The following SHPRH variants were observed in gnomAD, a reference collection of about 807,000 sequenced individuals.
SHPRH encodes E3 ubiquitin-protein ligase SHPRH.
A neutral mutation model predicts 202.5 loss-of-function variants in SHPRH; 106 were observed. The ratio of observed to expected loss-of-function variants is 0.52; its 90% CI spans 0.45 to 0.62. SHPRH has a LOEUF of 0.62. Among genes scored for constraint, SHPRH ranks in the 20% least tolerant of loss-of-function variants. The pLI is 0.00. For missense variants in SHPRH, 1,710 were observed against 2,020.0 expected, an observed-to-expected ratio of 0.85 and a Z score of 2.94; for synonymous variants, 729 against 686.0, an observed-to-expected ratio of 1.06 and a Z score of -0.98.
At chr6:145,923,025 G>T (rs569721232) in intron 18 of SHPRH, among the ~76,000 whole-genome samples, 189 bp from the exon 19 acceptor site, 1 of 149,776 alleles carries the variant, frequency 6.7e-6, no homozygotes, top group African/African-American at 2.5e-5. Flanking sequence ...GCTGTCTACC[G>T]TAAAAGATAC....
At chr6:145,953,130 T>C (rs1363981126) in intron 2 of SHPRH, among the ~76,000 whole-genome samples, 2 of 152,098 alleles carry the variant, frequency 1.3e-5, no homozygotes, top group Non-Finnish European at 2.9e-5. Context: ...AAGTTTCTAA[T>C]GGTAGACACT....
At chr6:145,907,958 CTTCT>C (rs1562306883) in intron 25 of SHPRH, 1 of 152,076 alleles carries the variant, frequency 6.6e-6, no homozygotes, top group East Asian at 1.9e-4. Flanking sequence ...GTGTTGTTCC[CTTCT>C]TTGTGTCCAT....
chr6:145,923,430 C>T (rs549757853), intron 18 of SHPRH, among the ~76,000 whole-genome samples: 7 of 151,688 alleles, frequency 4.6e-5, no homozygotes, highest in East Asian at 1.9e-4. Flanking sequence ...AAAGGTAGGT[C>T]GCAGTTAGGA....
intron 1 of SHPRH, among the ~76,000 whole-genome samples, chr6:145,957,406 A>G (rs1233025767): frequency 2.0e-5 from 3 of 152,188 alleles, no homozygotes; most frequent in African/African-American, 7.2e-5. Flanking sequence ...AGATACTGTC[A>G]TCAAAATATG....
At chr6:145,958,626 G>C (rs1214524682) in intron 1 of SHPRH, among the ~76,000 whole-genome samples, 2 of 152,102 alleles carry the variant, frequency 1.3e-5, no homozygotes, top group African/African-American at 4.8e-5. Context: ...CACCTCCAAG[G>C]AAGTAGTTTC....
At chr6:145,939,727 C>G (rs1786536568) in intron 11 of SHPRH, among the ~76,000 whole-genome samples, 1 of 151,978 alleles carries the variant, frequency 6.6e-6, no homozygotes, top group Non-Finnish European at 1.5e-5. Flanking sequence ...AAATATGTAT[C>G]TAAATGTAAC....
chr6:145,906,989 T>C (rs1189218155), intron 25 of SHPRH: 2 of 152,150 alleles, frequency 1.3e-5, no homozygotes, highest in Admixed American at 6.6e-5. Context: ...CCTCCCAACT[T>C]GATTCAATCT....
downstream of SHPRH, among the ~76,000 whole-genome samples, chr6:145,881,376 T>C (rs192350207): frequency 1.3e-5 from 2 of 152,294 alleles, no homozygotes; most frequent in Admixed American, 6.5e-5. Flanking sequence ...AGCAAAGGCA[T>C]GTCTTACATG....
At chr6:145,906,137 G>C (rs905245623) in intron 25 of SHPRH, 1 of 151,940 alleles carries the variant, frequency 6.6e-6, no homozygotes, top group South Asian at 2.1e-4. Flanking sequence ...TCTCATTTGT[G>C]TAACAACTTC....
At chr6:145,949,479 C>T (rs1480854336) in intron 4 of SHPRH, among the ~76,000 whole-genome samples, 1 of 152,018 alleles carries the variant, frequency 6.6e-6, no homozygotes, top group African/African-American at 2.4e-5. Context: ...AGTGAAGTAA[C>T]TCTGGAACAG....
chr6:145,950,530 A>G, intron 3 of SHPRH, 48 bp from the exon 4 acceptor site: 1 of 1,547,836 alleles, frequency 6.5e-7, no homozygotes, highest in Non-Finnish European at 8.9e-7. Context: ...GGTTTTTTCT[A>G]ACTATAAGCA....
intron 4 of SHPRH, among the ~76,000 whole-genome samples, chr6:145,949,505 A>C (rs531798317): frequency 1.4e-4 from 21 of 152,208 alleles, no homozygotes; most frequent in Non-Finnish European, 2.8e-4. Context: ...CAAATACCAC[A>C]TGTTCTTACT....
intron 24 of SHPRH, among the ~76,000 whole-genome samples, chr6:145,913,087 C>G (rs950319847): frequency 2.6e-5 from 4 of 152,064 alleles, no homozygotes; most frequent in Non-Finnish European, 5.9e-5. Context: ...CAAGTAAGAA[C>G]TACGATTCTA....
Position 145,886,292 on chromosome 6 carries a change from C to G in SHPRH, c.*399G>C. 1 of 527,866 alleles carries G rather than the reference C, an allele frequency of 1.9e-6. No homozygotes were observed. Among genetic ancestry groups the G allele is most frequent in the Non-Finnish European group, 3.5e-6 (1 of 283,718 alleles). The allele number at this position is 527,866 out of a possible 1,614,324, so 32.7% of individuals were successfully genotyped here. A position where few individuals can be genotyped will look rare whatever the true frequency, so the allele number is the denominator to read the frequency against. On this transcript the variant is annotated 3_prime_UTR_variant, in exon 30 of 30. Transcript: ENST00000275233. ...GTGCTAAAGATACTGAAGGCCCTTC[C>G]AAAACTGAGATCTATGTTTGTTCAA...
intron 18 of SHPRH, 22 bp downstream of exon 18, chr6:145,923,621 C>T (rs746189164): frequency 4.4e-6 from 7 of 1,608,056 alleles, no homozygotes; most frequent in Non-Finnish European, 5.9e-6. Flanking sequence ...TGAGTAGATA[C>T]TTTTTCTTCC....
At position 145,893,189 on chromosome 6, in the gene SHPRH, T is replaced by G. The variant is rs567535440; in HGVS notation, c.4874+26A>C. On this transcript the variant is annotated intron_variant, in intron 28 of 29. Transcript: ENST00000275233. Reference sequence around the variant, plus strand: ...GTTTCTCAGAAAACTGAAGCAAATGTGACTGATTCTAATTTTAGTCCTTAC... The same window carrying G: ...GTTTCTCAGAAAACTGAAGCAAATGGGACTGATTCTAATTTTAGTCCTTAC... 5.4e-6 allele frequency: 8 copies of G among 1,489,676 alleles called. No homozygotes were observed. The Admixed American group carries it at 1.5e-4, about 28-fold the overall frequency. 92.3% of individuals were successfully genotyped at this position (1,489,676 alleles called of 1,614,324 possible). A position where few individuals can be genotyped will look rare whatever the true frequency, so the allele number is the denominator to read the frequency against.
In SHPRH at chr6:145,913,568, A is replaced by AG. The variant is rs764286931; in HGVS notation, c.4255-20_4255-19insC. 11 of 1,591,540 alleles carry AG rather than the reference A, an allele frequency of 6.9e-6. No individual in the cohort carries two copies. Among genetic ancestry groups the AG allele is most frequent in the Non-Finnish European group, 9.4e-6 (11 of 1,168,650 alleles). On this transcript the variant is annotated intron_variant, in intron 23 of 29. Transcript: ENST00000275233. ...CTTGAGACTATCCAAAAAAGAATTA[A>AG]AAAATATATTAGTTACGTTTTTACA...
downstream of SHPRH, among the ~76,000 whole-genome samples, chr6:145,861,204 G>T (rs925134356): frequency 6.6e-6 from 1 of 152,000 alleles, no homozygotes; most frequent in African/African-American, 2.4e-5. Context: ...CTAGGGAATG[G>T]GGGAAAATGT....
chr6:145,923,707 G>A lies in SHPRH; in HGVS notation c.3481C>T (p.Arg1161Ter), dbSNP rs769794064. The change falls in exon 18 of 30, where the codon CGA (arginine) becomes TGA (stop). Residue 1161 changes from arginine (R) to a stop codon, truncating the protein, a stop_gained. Coordinates refer to ENST00000275233, the MANE Select transcript of SHPRH (RefSeq NM_001042683.3). LOFTEE classifies it high-confidence loss of function. ...TTGCTGGTTATTTCATTTCGCACTC[G>A]CTGAACTAGCTCCTCATCAATAGTA... ...EFTIDEELVQ[R>*]VRNEITSNYK... The A allele has an allele frequency of 1.9e-6, 3 of 1,611,886 alleles. No individual in the cohort carries two copies. The highest frequency in any genetic ancestry group is 2.5e-6 in the Non-Finnish European group (3 of 1,178,676).
Sources: allele counts gnomAD v4.1 joint callset (sites outside exome capture counted in the v4.1 genomes callset), GRCh38; gene constraint gnomAD v4.1.1; transcripts MANE v1.5; gene names NCBI Gene and HGNC (gene_info 2026-07-23, HGNC 2026-07-21).